Variants in NSD2 observed in about 807,000 individuals in gnomAD.
The protein encoded by NSD2 is nuclear receptor binding SET domain protein 2, also known as histone-lysine N-methyltransferase NSD2.
In NSD2, 12 loss-of-function variants were observed where a neutral mutation model predicts 139.0. The observed-to-expected ratio is 0.09, with a 90% CI of 0.06 to 0.14. NSD2 has a LOEUF of 0.14. Among genes scored for constraint, NSD2 ranks in the 10% least tolerant of loss-of-function variants. NSD2 has a pLI of 1.00. For missense variants in NSD2, 1,155 were observed against 1,745.0 expected, an observed-to-expected ratio of 0.66 and a Z score of 6.02; for synonymous variants, 669 against 648.7, an observed-to-expected ratio of 1.03 and a Z score of -0.48.
chr4:1,938,708 A>G (rs531751342), intron 8 of NSD2, among the ~76,000 whole-genome samples, 176 bp downstream of exon 8: 20 of 152,168 alleles, frequency 1.3e-4, no homozygotes, highest in African/African-American at 4.1e-4. Flanking sequence ...CCTGTGGTTG[A>G]AAACTAAACT....
chr4:1,943,778 AT>A lies in NSD2; in HGVS notation c.1881+4001del, dbSNP rs370676117. 96 of 1,060,674 alleles carry A rather than the reference AT, an allele frequency of 9.1e-5. 1 individual carries two copies. The African/African-American group carries it at 9.8e-4, about 11-fold the overall frequency. 65.7% of individuals were successfully genotyped at this position (1,060,674 alleles called of 1,614,324 possible). ...ATGGGGAAAAAAAGATGGTATAAAA[AT>A]GGCTCTGGTTCAATAAGCAGTCACC... On this transcript the variant is annotated intron_variant, in intron 9 of 21. Transcript: ENST00000508803.
At chr4:1,930,398 GTTGAA>G (rs1236836893) in intron 5 of NSD2, among the ~76,000 whole-genome samples, 1 of 152,184 alleles carries the variant, frequency 6.6e-6, no homozygotes, top group African/African-American at 2.4e-5. Context: ...CAGAAGTAGA[GTTGAA>G]TTGTTTTCAC....
At chr4:1,895,032 G>A (rs1223387655) in intron 1 of NSD2, among the ~76,000 whole-genome samples, 1 of 152,114 alleles carries the variant, frequency 6.6e-6, no homozygotes, top group Non-Finnish European at 1.5e-5. Flanking sequence ...GAATTTTACA[G>A]TATTTGTCTT....
intron 6 of NSD2, among the ~76,000 whole-genome samples, chr4:1,933,246 G>A (rs1577478092): frequency 6.6e-6 from 1 of 152,338 alleles, no homozygotes; most frequent in South Asian, 2.1e-4. Context: ...TTGGCAGCAG[G>A]GCACGGACAC....
At chr4:1,936,760 A>G (rs764628718) in intron 7 of NSD2, among the ~76,000 whole-genome samples, 1 of 152,154 alleles carries the variant, frequency 6.6e-6, no homozygotes, top group Non-Finnish European at 1.5e-5. Context: ...GATCTGAGTT[A>G]AAATGCTCTT....
chr4:1,916,642 T>C (rs535308440), intron 3 of NSD2, among the ~76,000 whole-genome samples: 1 of 152,318 alleles, frequency 6.6e-6, no homozygotes, highest in African/African-American at 2.4e-5. Flanking sequence ...GCGCCTGGCC[T>C]GGTTGGCTTT....
chr4:1,930,608 C>T lies in NSD2; in HGVS notation c.1411-18C>T. The T allele has an allele frequency of 6.9e-6, 11 of 1,589,238 alleles. No homozygotes were observed. Among genetic ancestry groups the T allele is most frequent in the Non-Finnish European group, 9.4e-6 (11 of 1,166,750 alleles). On this transcript the variant is annotated intron_variant, in intron 5 of 21. Transcript: ENST00000508803. ...TTACGGATTTAACTTCTCATTGCAC[C>T]TTCTCCCGTTCCCACAGGTGGTAGC...
At chr4:1,917,253 CAG>C (rs1719517387) in intron 4 of NSD2, among the ~76,000 whole-genome samples, 2 of 151,898 alleles carry the variant, frequency 1.3e-5, no homozygotes, top group African/African-American at 4.8e-5. Flanking sequence ...TGATGACTCT[CAG>C]AGATAACTTG....
At chr4:1,916,566 G>A (rs890004279) in intron 3 of NSD2, among the ~76,000 whole-genome samples, 1 of 152,130 alleles carries the variant, frequency 6.6e-6, no homozygotes, top group Admixed American at 6.5e-5. Flanking sequence ...GGCTGGTCTC[G>A]AAATCCTGAG....
chr4:1,926,103 G>A (rs1468295300), intron 5 of NSD2, among the ~76,000 whole-genome samples: 4 of 150,948 alleles, frequency 2.6e-5, no homozygotes, highest in Non-Finnish European at 4.4e-5. Flanking sequence ...GCACCTGGCC[G>A]GCTCCAGTAT....
chr4:1,918,348 G>T lies in NSD2; in HGVS notation c.1135G>T (p.Val379Phe), dbSNP rs770966499. Reference sequence around the variant, plus strand: ...GGGAGAAATGGCAGAATCCTCAGGAGTCAGTGAAGAAGCTGCTGAAAACCC... The same window carrying T: ...GGGAGAAATGGCAGAATCCTCAGGATTCAGTGAAGAAGCTGCTGAAAACCC... ...SLGEMAESSG[V>F]SEEAAENPKS... is the part of the protein sequence containing the mutation. The change falls in exon 5 of 22, where the codon GTC becomes TTC. Residue 379 changes from valine (V) to phenylalanine (F), a missense_variant. This residue lies in a region of NSD2 where 420 missense variants were observed against 469.0 expected (regional missense o/e 0.90). Transcript: ENST00000508803. The T allele has an allele frequency of 1.2e-6, 2 of 1,614,130 alleles. No individual in the cohort carries two copies. The highest frequency in any genetic ancestry group is 1.7e-6 in the Non-Finnish European group (2 of 1,180,042).
chr4:1,917,147 TAAC>T (rs1719499762), intron 4 of NSD2, 110 bp downstream of exon 4: 4 of 1,075,932 alleles, frequency 3.7e-6, no homozygotes, highest in Admixed American at 6.5e-5. Flanking sequence ...TGTAATGGCT[TAAC>T]AATCTCTTTC....
At chr4:1,943,976 A>G (rs1723367908) in intron 9 of NSD2, 1 of 1,064,994 alleles carries the variant, frequency 9.4e-7, no homozygotes, top group South Asian at 4.5e-5. Flanking sequence ...AGAAAGCAAA[A>G]CCCTGCAAAT....
chr4:1,957,789 C>T (rs1197621985), intron 15 of NSD2, 144 bp from the exon 16 acceptor site: 2 of 748,152 alleles, frequency 2.7e-6, no homozygotes, highest in African/African-American at 3.6e-5. Flanking sequence ...TGCCCACTGA[C>T]AGTTGTTCAT....
chr4:1,956,101 C>T lies in NSD2; in HGVS notation c.2794C>T (p.His932Tyr), dbSNP rs760665991. Residue 932 changes from histidine (H) to tyrosine (Y), a missense_variant, in exon 15 of 22, where the codon CAT becomes TAT. His to Tyr is a moderately conservative substitution (Grantham distance 83). This residue lies in a region of NSD2 where 139 missense variants were observed against 485.8 expected (regional missense o/e 0.29). Transcript: ENST00000508803. This position sits in a 1 kb window ranked among gnomAD's most constrained non-coding sequence, Gnocchi z 5.3. Reference protein sequence around the residue: ...FFGSKDYYWTHQARVFPYMEG... With the variant: ...FFGSKDYYWTYQARVFPYMEG... ...TGGGTCTAAAGATTATTACTGGACG[C>T]ATCAGGCGCGAGTGTTCCCGTACAT... 6.2e-7 allele frequency: 1 copy of T among 1,613,920 alleles called. No individual in the cohort carries two copies. The highest frequency in any genetic ancestry group is 8.5e-7 in the Non-Finnish European group (1 of 1,180,042).
At chr4:1,964,627 G>C (rs145587890) in intron 18 of NSD2, among the ~76,000 whole-genome samples, 2 of 150,768 alleles carry the variant, frequency 1.3e-5, no homozygotes, top group Non-Finnish European at 3.0e-5. Context: ...AAAGAGGTGC[G>C]CTGCGCTGCC....
rs574326156 is a variant in NSD2 at position 1,981,631 on chromosome 4, G to A, written c.*2722G>A. On this transcript the variant is annotated 3_prime_UTR_variant, in exon 22 of 22. Transcript: ENST00000508803. ...ACCTGAAGTGAGAACCCAGCTGTCC[G>A]TCCTCAGGCCGGCCTTTCTTCCGGC... 19 of 382,330 alleles carry A rather than the reference G, an allele frequency of 5.0e-5. No homozygotes were observed. The South Asian group carries it at 1.3e-3, about 26-fold the overall frequency. The allele number at this position is 382,330 out of a possible 1,614,324, so 23.7% of individuals were successfully genotyped here.
chr4:1,884,329 C>G (rs1007261683), intron 1 of NSD2, among the ~76,000 whole-genome samples: 2 of 152,074 alleles, frequency 1.3e-5, no homozygotes. Context: ...CTGCTGAGCT[C>G]AAGTGATCTG....
intron 18 of NSD2, among the ~76,000 whole-genome samples, chr4:1,963,289 C>T (rs774475647): frequency 5.3e-5 from 8 of 152,050 alleles, no homozygotes; most frequent in Non-Finnish European, 1.0e-4. Flanking sequence ...TTTTAACCCT[C>T]ATGTGGGGAC....
Sources: gnomAD v4.1 joint callset for allele counts (sites outside exome capture counted in the v4.1 genomes callset) on GRCh38, gnomAD v4.1.1 for gene constraint, gnomAD v4.1.1 regional missense constraint, Gnocchi (gnomAD v3.1) non-coding constraint, MANE v1.5 for transcripts, NCBI Gene and HGNC (gene_info 2026-07-23, HGNC 2026-07-21) for gene names.